EHD2: variants seen among roughly 807,000 people sequenced by gnomAD.
EHD2 encodes the protein EH domain-containing protein 2.
EHD2 carries 27 observed loss-of-function variants against 41.0 expected under a neutral mutation model. The observed-to-expected ratio is 0.66, with a 90% CI of 0.49 to 0.91. The LOEUF (loss-of-function observed/expected upper bound fraction) is 0.91, where lower values mean the gene tolerates loss of function less well. Among genes scored for constraint, EHD2 ranks in the 40% least tolerant of loss-of-function variants. The probability of loss-of-function intolerance (pLI) is 0.00; values close to 1 mark genes in which losing one functional copy is unlikely to be tolerated. For missense variants in EHD2, 673 were observed against 773.9 expected, an observed-to-expected ratio of 0.87 and a Z score of 1.55; for synonymous variants, 342 against 341.0, an observed-to-expected ratio of 1.00 and a Z score of -0.03.
At chr19:47,728,523 G>C (rs546541323) in intron 4 of EHD2, among the ~76,000 whole-genome samples, 1 of 146,074 alleles carries the variant, frequency 6.8e-6, no homozygotes, top group African/African-American at 2.5e-5. Flanking sequence ...CTCTTTCTCT[G>C]TTTCTCTTTC....
intron 4 of EHD2, 117 bp from the exon 5 acceptor site, chr19:47,736,252 C>T (rs1966921232): frequency 2.3e-6 from 2 of 876,466 alleles, no homozygotes. Flanking sequence ...TACAAATTCT[C>T]ATGCCCCAGC....
At chr19:47,717,346 G>A (rs2123634112) in intron 2 of EHD2, among the ~76,000 whole-genome samples, 1 of 152,210 alleles carries the variant, frequency 6.6e-6, no homozygotes. Context: ...ACTGCGCCCG[G>A]CCCTGGGGGC....
intron 4 of EHD2, among the ~76,000 whole-genome samples, chr19:47,735,575 G>A (rs1452165712): frequency 6.7e-6 from 1 of 150,192 alleles, no homozygotes; most frequent in African/African-American, 2.5e-5. Flanking sequence ...TCCTGGCTGG[G>A]TGATAGAGCG....
rs545079305 is a variant in EHD2 at position 47,734,304 on chromosome 19, C to G, written c.916-2065C>G. On this transcript the variant is annotated intron_variant, in intron 4 of 5. Transcript: ENST00000263277. The stretch of plus-strand genomic sequence containing the variant: ...GAGCCGAGATTGTGCCACTGCACTC[C>G]AGCCTGGGGGACAGAGCCAGACCCT... Among the ~76,000 whole-genome samples the G allele has an allele frequency of 2.1e-3, 322 of 151,964 alleles. 1 individual carries two copies. Among genetic ancestry groups the G allele is most frequent in the African/African-American group, 7.3e-3 (301 of 41,460 alleles).
In EHD2 at chr19:47,718,452, G is replaced by A. The variant is rs112771125; in HGVS notation, c.405-57G>A. ...CCGAGTCCCTCTTCATGTTTTCTTC[G>A]TGTTTTCCCTCCTTCTGTCCTTCCC... On this transcript the variant is annotated intron_variant, in intron 2 of 5. Coordinates refer to ENST00000263277, the MANE Select transcript of EHD2 (RefSeq NM_014601.4). The A allele has an allele frequency of 0.022, 31,666 of 1,445,136 alleles. 702 individuals carry two copies. Among genetic ancestry groups the A allele is most frequent in the African/African-American group, 0.1 (7,160 of 70,778 alleles). 89.5% of individuals were successfully genotyped at this position (1,445,136 alleles called of 1,614,324 possible).
Position 47,716,725 on chromosome 19 carries a change from A to G in EHD2, c.113A>G (p.Glu38Gly). Residue 38 changes from glutamate (E) to glycine (G), a missense_variant, in exon 2 of 6, where the codon GAG becomes GGG. Glu to Gly is a moderately conservative substitution (Grantham distance 98). Coordinates refer to ENST00000263277, the MANE Select transcript of EHD2 (RefSeq NM_014601.4). ...LYRTKLLPLE[E>G]HYRFGAFHSP... ...CGCACGAAGCTGCTGCCGCTGGAGGAGCACTACCGCTTTGGGGCCTTCCAC... is the reference window on the plus strand; with the variant it reads ...CGCACGAAGCTGCTGCCGCTGGAGGGGCACTACCGCTTTGGGGCCTTCCAC... 4 of 1,613,258 alleles carry G rather than the reference A, an allele frequency of 2.5e-6. No homozygotes were observed. The highest frequency in any genetic ancestry group is 3.4e-6 in the Non-Finnish European group (4 of 1,179,740).
intron 1 of EHD2, among the ~76,000 whole-genome samples, chr19:47,716,129 C>T (rs917611692): frequency 4.3e-5 from 6 of 139,310 alleles, no homozygotes; most frequent in Admixed American, 1.5e-4. Flanking sequence ...TGGAGTGCAG[C>T]GGCATGATCA....
chr19:47,731,369 G>A (rs1973814624), intron 4 of EHD2: 3 of 144,998 alleles, frequency 2.1e-5, no homozygotes, highest in Non-Finnish European at 3.0e-5. Context: ...GAGAGCAGTG[G>A]CATGATCTCG....
At position 47,737,783 on chromosome 19, in the gene EHD2, T is replaced by G. The variant is rs535245620; in HGVS notation, c.1080+1250T>G. Among the ~76,000 whole-genome samples, 265 of 151,918 alleles carry G rather than the reference T, an allele frequency of 1.7e-3. 1 individual carries two copies. The highest frequency in any genetic ancestry group is 2.9e-3 in the Non-Finnish European group (199 of 67,952). The stretch of plus-strand genomic sequence containing the variant: ...TGGAGTGCAATGGGGTGATCATAGC[T>G]CACTGTGTACTTGAACTCCTGGGCT... On this transcript the variant is annotated intron_variant, in intron 5 of 5. Transcript: ENST00000263277.
chr19:47,715,273 C>T (rs1322645972), intron 1 of EHD2, among the ~76,000 whole-genome samples: 2 of 152,010 alleles, frequency 1.3e-5, no homozygotes, highest in Non-Finnish European at 2.9e-5. Context: ...CTCACCCCTC[C>T]TCTTTGTGCC....
At position 47,742,951 on chromosome 19, in the gene EHD2, G is replaced by C. The variant is rs1328038742; in HGVS notation, c.*1519G>C. On this transcript the variant is annotated 3_prime_UTR_variant, in exon 6 of 6. Transcript: ENST00000263277. ...TTTGCTGCCTTCACCACATATTAGT[G>C]CTTGACCCTGGCAGGGGACCCCATG... The C allele has an allele frequency of 2.6e-5, 4 of 152,718 alleles. No homozygotes were observed. The highest frequency in any genetic ancestry group is 9.6e-5 in the African/African-American group (4 of 41,456). 9.5% of individuals were successfully genotyped at this position (152,718 alleles called of 1,614,324 possible).
chr19:47,721,722 C>T (rs369667589), intron 3 of EHD2, among the ~76,000 whole-genome samples: 8 of 152,076 alleles, frequency 5.3e-5, no homozygotes, highest in African/African-American at 7.2e-5. Flanking sequence ...CAGTGGTTCA[C>T]GCCTGTAATC....
intron 5 of EHD2, among the ~76,000 whole-genome samples, chr19:47,739,582 C>CA (rs1966963286): frequency 8.6e-6 from 1 of 116,044 alleles, no homozygotes. Flanking sequence ...GCCTGGGTGA[C>CA]AGAGCGAAAC....
At chr19:47,717,860 A>G (rs546154129) in intron 2 of EHD2, among the ~76,000 whole-genome samples, 1 of 147,200 alleles carries the variant, frequency 6.8e-6, no homozygotes, top group South Asian at 2.2e-4. Flanking sequence ...GTAAGCCGAG[A>G]CCGTGCCACT....
At chr19:47,717,584 T>C (rs764816644) in intron 2 of EHD2, among the ~76,000 whole-genome samples, 6 of 151,966 alleles carry the variant, frequency 3.9e-5, no homozygotes, top group Non-Finnish European at 7.4e-5. Flanking sequence ...TCTCTGCCCT[T>C]CTTGTAGCCT....
At chr19:47,725,396 CAAAAA>C (rs10676405) in intron 3 of EHD2, among the ~76,000 whole-genome samples, 5 of 74,288 alleles carry the variant, frequency 6.7e-5, no homozygotes, top group African/African-American at 1.2e-4. Context: ...CATCTCTACT[CAAAAA>C]AAAAAAAAAA....
At chr19:47,720,386 G>C (rs556343596) in intron 3 of EHD2, among the ~76,000 whole-genome samples, 1 of 152,094 alleles carries the variant, frequency 6.6e-6, no homozygotes, top group East Asian at 1.9e-4. Context: ...GGCCAGGCTG[G>C]TCTCGAACTC....
At chr19:47,726,311 A>G in intron 4 of EHD2, 87 bp downstream of exon 4, 1 of 1,412,164 alleles carries the variant, frequency 7.1e-7, no homozygotes. Context: ...CTGACTTATC[A>G]GGGCCCAGGT....
At chr19:47,728,138 C>T (rs563416629) in intron 4 of EHD2, among the ~76,000 whole-genome samples, 3 of 151,336 alleles carry the variant, frequency 2.0e-5, no homozygotes, top group East Asian at 1.9e-4. Context: ...ACATCTTAGG[C>T]GCTTCACAGC....
Sources: allele counts gnomAD v4.1 joint callset (sites outside exome capture counted in the v4.1 genomes callset), GRCh38; gene constraint gnomAD v4.1.1; transcripts MANE v1.5; gene names NCBI Gene and HGNC (gene_info 2026-07-23, HGNC 2026-07-21).